The following STIM1 variants were observed in gnomAD, a reference collection of about 807,000 sequenced individuals.
STIM1 encodes the protein stromal interaction molecule 1.
In STIM1, 25 loss-of-function variants were observed where a neutral mutation model predicts 74.7. The ratio of observed to expected loss-of-function variants is 0.33; its 90% CI spans 0.24 to 0.47. STIM1 has a LOEUF of 0.47. Ranked by LOEUF, STIM1 falls within the 20% of genes least tolerant of loss-of-function variation. The pLI is 1.00. For missense variants in STIM1, 728 were observed against 920.8 expected (o/e 0.79, Z 2.71); for synonymous variants, 328 against 348.8 (o/e 0.94, Z 0.66).
chr11:4,030,453 G>C (rs928163504), intron 3 of STIM1, among the ~76,000 whole-genome samples: 1 of 152,134 alleles, frequency 6.6e-6, no homozygotes, highest in African/African-American at 2.4e-5. Context: ...AGTCAGATCC[G>C]TATGAAAGAG....
At chr11:4,015,680 C>T (rs2093889377) in intron 2 of STIM1, among the ~76,000 whole-genome samples, 1 of 152,196 alleles carries the variant, frequency 6.6e-6, no homozygotes, top group Non-Finnish European at 1.5e-5. Context: ...TTCAGGTACA[C>T]CAATCAGACG....
At chr11:4,063,335 T>C (rs2094344084) in intron 5 of STIM1, among the ~76,000 whole-genome samples, 1 of 152,232 alleles carries the variant, frequency 6.6e-6, no homozygotes, top group African/African-American at 2.4e-5. Context: ...GTGCTTTGCC[T>C]TACTGCACTT....
chr11:3,934,844 A>C (rs983907044), intron 1 of STIM1, among the ~76,000 whole-genome samples: 1 of 152,168 alleles, frequency 6.6e-6, no homozygotes, highest in Non-Finnish European at 1.5e-5. Context: ...TTTGCCCTTC[A>C]CCTCACAGTG....
intron 7 of STIM1, among the ~76,000 whole-genome samples, chr11:4,075,470 A>T (rs1441245662): frequency 6.6e-6 from 1 of 152,222 alleles, no homozygotes; most frequent in African/African-American, 2.4e-5. Flanking sequence ...CTTCATATAA[A>T]TGGCATTATA....
chr11:3,924,281 C>T (rs1370701304), intron 1 of STIM1, among the ~76,000 whole-genome samples: 1 of 150,840 alleles, frequency 6.6e-6, no homozygotes, highest in African/African-American at 2.5e-5. Flanking sequence ...TCACTGCAAG[C>T]TCTGCCTCCC....
chr11:3,976,853 G>A (rs2093452415), intron 2 of STIM1, among the ~76,000 whole-genome samples: 1 of 151,320 alleles, frequency 6.6e-6, no homozygotes, highest in African/African-American at 2.4e-5. Context: ...GGAGTGCAGT[G>A]GTACAGTCTT....
chr11:3,866,617 G>C (rs949999060), intron 1 of STIM1, among the ~76,000 whole-genome samples: 1 of 151,978 alleles, frequency 6.6e-6, no homozygotes, highest in Admixed American at 6.6e-5. Context: ...AGTAGAGACG[G>C]GGTTTCACCA....
intron 1 of STIM1, among the ~76,000 whole-genome samples, chr11:3,907,666 A>G (rs774883671): frequency 3.3e-5 from 5 of 152,202 alleles, no homozygotes; most frequent in African/African-American, 9.7e-5. Context: ...CTTCTGTTCA[A>G]AATTGTTCAG....
At chr11:3,899,551 A>G (rs1162988983) in intron 1 of STIM1, among the ~76,000 whole-genome samples, 12 of 150,308 alleles carry the variant, frequency 8.0e-5, no homozygotes, top group African/African-American at 7.3e-5. Context: ...TTCCAACACT[A>G]TGTTGAATAG....
chr11:3,898,918 G>A (rs1019747842), intron 1 of STIM1, among the ~76,000 whole-genome samples: 428 of 151,928 alleles, frequency 2.8e-3, no homozygotes, highest in African/African-American at 0.01. Flanking sequence ...GGTTACTGTA[G>A]CTTTGTAGTA....
chr11:4,076,495 A>AG (rs1409238872), intron 7 of STIM1, among the ~76,000 whole-genome samples: 2 of 149,296 alleles, frequency 1.3e-5, no homozygotes, highest in Admixed American at 6.7e-5. Flanking sequence ...CAAAAAAAAA[A>AG]AAAAAAAAAA....
rs2093428733 is a variant in STIM1, at chr11:3,974,599, T to C, written c.270+6917T>C. The stretch of plus-strand genomic sequence containing the variant: ...TCTCTTAAAAGAAAAGAAAAATATA[T>C]AATCATTTGTGTAGGGGCAGCTAGT... On this transcript the variant is annotated intron_variant, in intron 2 of 12. Coordinates refer to ENST00000526596, the MANE Select transcript of STIM1 (RefSeq NM_001382567.1). 2.0e-5 allele frequency among the ~76,000 whole-genome samples: 3 copies of C among 151,090 alleles called. No individual in the cohort carries two copies. In the South Asian group the frequency reaches 6.3e-4, roughly 32 times the overall value.
chr11:3,985,554 C>A (rs547212687), intron 2 of STIM1, among the ~76,000 whole-genome samples: 13 of 152,106 alleles, frequency 8.5e-5, no homozygotes, highest in Non-Finnish European at 1.6e-4. Context: ...GACACAGGAC[C>A]TGGAAGTAAA....
chr11:4,080,071 TA>T (rs1290690687), intron 7 of STIM1, among the ~76,000 whole-genome samples: 1 of 151,556 alleles, frequency 6.6e-6, no homozygotes, highest in Non-Finnish European at 1.5e-5. Context: ...AATAAATAAA[TA>T]AATAAATAAA....
intron 2 of STIM1, among the ~76,000 whole-genome samples, chr11:4,020,252 A>G (rs943146344): frequency 1.3e-5 from 2 of 152,186 alleles, no homozygotes; most frequent in Non-Finnish European, 1.5e-5. Context: ...TAGTGCTGCA[A>G]TAAACATGGA....
At chr11:3,941,673 T>TATATAGAGAGAGAGAGAGAGAGAGAG (rs141623520) in intron 1 of STIM1, among the ~76,000 whole-genome samples, 1 of 90,728 alleles carries the variant, frequency 1.1e-5, no homozygotes, top group African/African-American at 3.7e-5. Context: ...TATATATATA[T>TATATAGAGAGAGAGAGAGAGAGAGAG]AGAGAGAGAG....
At chr11:3,893,494 G>T (rs184986098) in intron 1 of STIM1, among the ~76,000 whole-genome samples, 180 of 152,312 alleles carry the variant, frequency 1.2e-3, no homozygotes, top group African/African-American at 4.2e-3. Flanking sequence ...CCCAGTGAGT[G>T]AATGACCTTG....
chr11:4,042,642 C>A (rs919077719), intron 3 of STIM1, among the ~76,000 whole-genome samples: 2 of 152,152 alleles, frequency 1.3e-5, no homozygotes, highest in African/African-American at 4.8e-5. Flanking sequence ...ACCTCATTCT[C>A]CTTGACCCTA....
intron 1 of STIM1, among the ~76,000 whole-genome samples, chr11:3,874,510 C>A (rs2091247236): frequency 6.6e-6 from 1 of 152,200 alleles, no homozygotes; most frequent in Admixed American, 6.5e-5. Context: ...GCAACTAAAT[C>A]AGTATTCAAA....
Sources: allele counts gnomAD v4.1 joint callset (sites outside exome capture counted in the v4.1 genomes callset), GRCh38; gene constraint gnomAD v4.1.1; transcripts MANE v1.5; gene names NCBI Gene and HGNC (gene_info 2026-07-23, HGNC 2026-07-21).